The following PLEKHG7 variants were observed in gnomAD, a reference collection of about 807,000 sequenced individuals.
PLEKHG7 encodes pleckstrin homology domain-containing family G member 7.
Under a neutral mutation model 85.2 loss-of-function variants are expected in PLEKHG7, and 77 were observed. The observed-to-expected ratio is 0.90, with a 90% CI of 0.75 to 1.09. The LOEUF is 1.09. Among genes scored for constraint, PLEKHG7 ranks in the 50% least tolerant of loss-of-function variants. The pLI, the probability that PLEKHG7 is intolerant of heterozygous loss-of-function variation, is 0.00. For missense variants in PLEKHG7, 777 were observed against 804.3 expected, an observed-to-expected ratio of 0.97 and a Z score of 0.41; for synonymous variants, 301 against 302.4, an observed-to-expected ratio of 1.00 and a Z score of 0.05.
In PLEKHG7 at chr12:92,772,032, C is replaced by T. The variant is rs568813879; in HGVS notation, c.*1837C>T. ...TGGAGGGTTTAGAATGAAGCACATT[C>T]GAATGAAGGGATCACGGGGGTCAGA... On this transcript the variant is annotated 3_prime_UTR_variant, in exon 17 of 17. Coordinates refer to ENST00000344636, the MANE Select transcript of PLEKHG7 (RefSeq NM_001377329.1). 1 of 151,550 alleles carries T rather than the reference C, an allele frequency of 6.6e-6. No individual in the cohort carries two copies. Among genetic ancestry groups the T allele is most frequent in the Non-Finnish European group, 1.5e-5 (1 of 67,834 alleles). 9.4% of individuals were successfully genotyped at this position (151,550 alleles called of 1,614,324 possible).
intron 15 of PLEKHG7, among the ~76,000 whole-genome samples, chr12:92,767,841 G>C (rs1289537488): frequency 6.6e-6 from 1 of 152,124 alleles, no homozygotes; most frequent in Non-Finnish European, 1.5e-5. Context: ...TCTCTTTCCT[G>C]AAGTACTTGA....
intron 10 of PLEKHG7, among the ~76,000 whole-genome samples, chr12:92,746,580 C>T (rs745981846): frequency 7.9e-5 from 12 of 152,150 alleles, no homozygotes; most frequent in Admixed American, 2.0e-4. Flanking sequence ...AAATGTTTCC[C>T]CTAGAAGCTG....
At chr12:92,721,784 A>G (rs561492368) in intron 3 of PLEKHG7, among the ~76,000 whole-genome samples, 7 of 150,576 alleles carry the variant, frequency 4.6e-5, no homozygotes, top group Non-Finnish European at 8.9e-5. Context: ...AAAGGGTGGC[A>G]TGGAGTTATA....
chr12:92,741,815 A>G (rs1354013232), intron 9 of PLEKHG7, among the ~76,000 whole-genome samples: 7 of 152,252 alleles, frequency 4.6e-5, no homozygotes, highest in African/African-American at 1.7e-4. Context: ...TTAACACAGA[A>G]ATCTGCATGC....
chr12:92,761,831 G>C lies in PLEKHG7; in HGVS notation c.1716G>C (p.Lys572Asn). ...TTACGAAAACTAAGTGCAACAAAAA[G>C]GTAAAATGCTGCTATTTCAAAGTAC... ...LLVTKTKCNK[K>N]KLGGSDPGLM... The change falls in exon 14 of 17, where the codon AAG (lysine) becomes AAC (asparagine). Residue 572 changes from lysine (K) to asparagine (N), a missense_variant and splice_region_variant. By Grantham distance (94) the Lys-to-Asn change is moderately conservative. Transcript: ENST00000344636. The C allele has an allele frequency of 6.4e-7, 1 of 1,569,520 alleles. No homozygotes were observed. The highest frequency in any genetic ancestry group is 1.2e-5 in the South Asian group (1 of 82,558).
chr12:92,725,645 A>C (rs1289351153), intron 3 of PLEKHG7, among the ~76,000 whole-genome samples: 1 of 152,180 alleles, frequency 6.6e-6, no homozygotes, highest in East Asian at 1.9e-4. Flanking sequence ...TTTTGTGTCT[A>C]CACTCTGTAT....
At chr12:92,751,207 C>A (rs895484044) in intron 10 of PLEKHG7, among the ~76,000 whole-genome samples, 2 of 152,160 alleles carry the variant, frequency 1.3e-5, no homozygotes, top group Non-Finnish European at 2.9e-5. Context: ...CTACCTCTGC[C>A]CTAGAACAAC....
chr12:92,764,274 T>G, intron 15 of PLEKHG7, 80 bp downstream of exon 15: 1 of 1,364,632 alleles, frequency 7.3e-7, no homozygotes, highest in South Asian at 1.5e-5. Flanking sequence ...TAGCAGGTCA[T>G]AAATCCAATT....
chr12:92,763,208 T>G lies in PLEKHG7; in HGVS notation c.1717-833T>G, dbSNP rs185154698. ...GTTTACATGCCTCTTTGCTATTTTATGTACAATTTATACCATGCAGGTCAC... is the reference window on the plus strand; with the variant it reads ...GTTTACATGCCTCTTTGCTATTTTAGGTACAATTTATACCATGCAGGTCAC... On this transcript the variant is annotated intron_variant, in intron 14 of 16. Coordinates refer to ENST00000344636, the MANE Select transcript of PLEKHG7 (RefSeq NM_001377329.1). 5.3e-5 allele frequency among the ~76,000 whole-genome samples: 8 copies of G among 152,334 alleles called. No homozygotes were observed. The East Asian group carries it at 1.5e-3, about 29-fold the overall frequency.
At chr12:92,758,644 T>C (rs772187162) in intron 13 of PLEKHG7, among the ~76,000 whole-genome samples, 5 of 152,238 alleles carry the variant, frequency 3.3e-5, no homozygotes, top group Non-Finnish European at 7.3e-5. Flanking sequence ...AAATGCTTCT[T>C]GTACAGTCAA....
chr12:92,714,732 A>G (rs1470234999), intron 3 of PLEKHG7, among the ~76,000 whole-genome samples: 2 of 152,210 alleles, frequency 1.3e-5, no homozygotes, highest in Non-Finnish European at 2.9e-5. Flanking sequence ...CAAAGGTATT[A>G]TGTATAGAGT....
intron 5 of PLEKHG7, among the ~76,000 whole-genome samples, chr12:92,732,765 C>T (rs1386321548): frequency 6.6e-6 from 1 of 152,224 alleles, no homozygotes; most frequent in South Asian, 2.1e-4. Flanking sequence ...CAATAATTGA[C>T]GAGTTATCCA....
At chr12:92,735,003 G>A (rs902722246) in intron 5 of PLEKHG7, among the ~76,000 whole-genome samples, 5 of 152,128 alleles carry the variant, frequency 3.3e-5, no homozygotes, top group African/African-American at 9.7e-5. Context: ...GTGACCACTG[G>A]GAGAATGGTC....
chr12:92,764,843 A>G (rs1258649424), intron 15 of PLEKHG7, among the ~76,000 whole-genome samples: 1 of 152,158 alleles, frequency 6.6e-6, no homozygotes, highest in East Asian at 1.9e-4. Flanking sequence ...TAGAATAATG[A>G]AAGATCAGTA....
intron 10 of PLEKHG7, among the ~76,000 whole-genome samples, chr12:92,747,764 TA>T (rs1872575212): frequency 6.6e-6 from 1 of 152,154 alleles, no homozygotes; most frequent in South Asian, 2.1e-4. Flanking sequence ...CAGATAAAAC[TA>T]GAGGTCATTA....
chr12:92,730,330 G>C (rs767804759), intron 4 of PLEKHG7, among the ~76,000 whole-genome samples: 1 of 152,186 alleles, frequency 6.6e-6, no homozygotes, highest in African/African-American at 2.4e-5. Context: ...ATTTTAAGAG[G>C]CTTTAGAATG....
At chr12:92,720,508 G>A (rs903920303) in intron 3 of PLEKHG7, among the ~76,000 whole-genome samples, 2 of 151,932 alleles carry the variant, frequency 1.3e-5, no homozygotes, top group Admixed American at 6.6e-5. Context: ...TGTATTTTTA[G>A]TAGAGACAGG....
At chr12:92,760,770 A>C (rs1433088830) in intron 13 of PLEKHG7, among the ~76,000 whole-genome samples, 1 of 152,248 alleles carries the variant, frequency 6.6e-6, no homozygotes, top group Non-Finnish European at 1.5e-5. Context: ...GCCTTAAGTA[A>C]CTATTAAAAC....
chr12:92,760,619 C>G (rs1420593210), intron 13 of PLEKHG7, among the ~76,000 whole-genome samples: 1 of 152,104 alleles, frequency 6.6e-6, no homozygotes, highest in Non-Finnish European at 1.5e-5. Flanking sequence ...AAAACCTTTT[C>G]CTCTGAAATC....
Sources: gnomAD v4.1 joint callset for allele counts (sites outside exome capture counted in the v4.1 genomes callset) on GRCh38, gnomAD v4.1.1 for gene constraint, MANE v1.5 for transcripts, NCBI Gene and HGNC (gene_info 2026-07-23, HGNC 2026-07-21) for gene names.